LUZP2: variants seen among roughly 807,000 people sequenced by gnomAD.
LUZP2 encodes leucine zipper protein 2.
Under a neutral mutation model 51.6 loss-of-function variants are expected in LUZP2, and 52 were observed. That is an observed-to-expected ratio of 1.01 (90% CI 0.81 to 1.27). The LOEUF (loss-of-function observed/expected upper bound fraction) is 1.27. Ranked by LOEUF, LUZP2 falls within the 50% of genes most tolerant of loss-of-function variation. LUZP2 has a pLI of 0.00. For missense variants in LUZP2, 436 were observed against 395.4 expected, an observed-to-expected ratio of 1.10 and a Z score of -0.87; for synonymous variants, 154 against 137.3, an observed-to-expected ratio of 1.12 and a Z score of -0.85.
At chr11:24,539,066 G>C (rs1346774330) in intron 1 of LUZP2, among the ~76,000 whole-genome samples, 3 of 151,648 alleles carry the variant, frequency 2.0e-5, no homozygotes, top group Non-Finnish European at 4.4e-5. Flanking sequence ...GTATAATATT[G>C]GTTTTGTGAG....
chr11:24,585,909 A>G (rs1346865293), intron 1 of LUZP2, among the ~76,000 whole-genome samples: 1 of 152,206 alleles, frequency 6.6e-6, no homozygotes, highest in Non-Finnish European at 1.5e-5. Flanking sequence ...TAGCCAATTT[A>G]TAATTAGTCT....
chr11:24,811,731 G>A (rs1270941060), intron 5 of LUZP2, among the ~76,000 whole-genome samples: 1 of 151,838 alleles, frequency 6.6e-6, no homozygotes, highest in Non-Finnish European at 1.5e-5. Flanking sequence ...GCCTTCCAAG[G>A]CATTTCACTC....
chr11:25,047,937 G>C (rs1367035023), intron 9 of LUZP2, among the ~76,000 whole-genome samples: 1 of 151,488 alleles, frequency 6.6e-6, no homozygotes, highest in African/African-American at 2.4e-5. Context: ...TCCAGCCTCA[G>C]CCTCCTCATT....
chr11:24,760,343 G>A (rs189299045), intron 4 of LUZP2, among the ~76,000 whole-genome samples: 10 of 152,176 alleles, frequency 6.6e-5, no homozygotes, highest in East Asian at 1.9e-4. Flanking sequence ...TTGGAATGTC[G>A]TTGGCTGAGT....
intron 9 of LUZP2, among the ~76,000 whole-genome samples, chr11:25,031,934 T>C (rs2133992564): frequency 6.6e-6 from 1 of 152,260 alleles, no homozygotes; most frequent in East Asian, 1.9e-4. Flanking sequence ...ACCAATCAGC[T>C]GATTTTAAAG....
intron 9 of LUZP2, among the ~76,000 whole-genome samples, chr11:24,993,954 G>A (rs1363918273): frequency 6.6e-6 from 1 of 152,034 alleles, no homozygotes; most frequent in Non-Finnish European, 1.5e-5. Context: ...TCCGCCTCCG[G>A]GGTTCAAGTG....
chr11:24,584,597 C>T (rs773999533), intron 1 of LUZP2, among the ~76,000 whole-genome samples: 2 of 152,032 alleles, frequency 1.3e-5, no homozygotes, highest in Non-Finnish European at 2.9e-5. Context: ...TTTAGATCTC[C>T]TAAGATAAGT....
At chr11:25,056,590 A>T (rs1858689631) in intron 10 of LUZP2, among the ~76,000 whole-genome samples, 2 of 152,138 alleles carry the variant, frequency 1.3e-5, no homozygotes, top group Admixed American at 1.3e-4. Context: ...CGCTCTGGGA[A>T]GGGACTTTGT....
intron 1 of LUZP2, among the ~76,000 whole-genome samples, chr11:24,507,265 G>A (rs1221783984): frequency 1.3e-5 from 2 of 152,048 alleles, no homozygotes; most frequent in Non-Finnish European, 2.9e-5. Context: ...TACAGCTCTA[G>A]TATTGCAGAA....
intron 1 of LUZP2, among the ~76,000 whole-genome samples, chr11:24,661,629 T>A (rs1856024721): frequency 6.6e-6 from 1 of 152,206 alleles, no homozygotes. Flanking sequence ...TCAGTTTTTC[T>A]TTGTATTGAA....
intron 6 of LUZP2, among the ~76,000 whole-genome samples, chr11:24,908,758 CTTTT>C (rs34476662): frequency 7.3e-6 from 1 of 137,590 alleles, no homozygotes; most frequent in African/African-American, 2.6e-5. Flanking sequence ...TGTTTTTTTT[CTTTT>C]TTTTTTTTTT....
chr11:24,739,395 C>T (rs75646519), intron 4 of LUZP2, among the ~76,000 whole-genome samples: 2,237 of 151,980 alleles, frequency 0.015, 55 homozygotes, highest in African/African-American at 0.051. Context: ...TGTTGTTTTT[C>T]GATTGGTTGT....
intron 7 of LUZP2, among the ~76,000 whole-genome samples, chr11:24,931,209 C>CAAAATAAAAT (rs199869184): frequency 2.6e-3 from 357 of 135,116 alleles, no homozygotes; most frequent in Middle Eastern, 0.011. Flanking sequence ...GACTCTGTCT[C>CAAAATAAAAT]AAAATAAAAT....
At chr11:24,765,598 C>T (rs1860155342) in intron 5 of LUZP2, among the ~76,000 whole-genome samples, 1 of 150,542 alleles carries the variant, frequency 6.6e-6, no homozygotes, top group East Asian at 2.0e-4. Flanking sequence ...TAGACAGCAA[C>T]ACAATAATTT....
rs76658622 is a variant in LUZP2, at chr11:24,614,444, A to G, written c.63-114725A>G. ...TATTCAATTTATATCATTTCATTTA[A>G]CCCCCTAAAAAAGAATTTGAAAAGC... is the stretch of plus-strand genomic sequence containing the variant. On this transcript the variant is annotated intron_variant, in intron 1 of 11. Coordinates refer to ENST00000336930, the MANE Select transcript of LUZP2 (RefSeq NM_001009909.4). Among the ~76,000 whole-genome samples the G allele has an allele frequency of 3.7e-3, 564 of 152,016 alleles. 8 individuals are homozygous for G. Among genetic ancestry groups the G allele is most frequent in the East Asian group, 0.018 (94 of 5,144 alleles).
intron 1 of LUZP2, among the ~76,000 whole-genome samples, chr11:24,727,527 A>G (rs1448805130): frequency 1.3e-5 from 2 of 152,106 alleles, no homozygotes; most frequent in Non-Finnish European, 2.9e-5. Context: ...GTCAATACAT[A>G]TAATCTACTA....
At chr11:24,569,307 G>A (rs2133795564) in intron 1 of LUZP2, among the ~76,000 whole-genome samples, 1 of 151,940 alleles carries the variant, frequency 6.6e-6, no homozygotes, top group Middle Eastern at 3.4e-3. Flanking sequence ...TTTCAAGCAG[G>A]AACTCAAAAT....
chr11:24,569,254 C>A (rs953423580), intron 1 of LUZP2, among the ~76,000 whole-genome samples: 3 of 151,684 alleles, frequency 2.0e-5, no homozygotes, highest in Admixed American at 1.3e-4. Context: ...CGCTGTTATA[C>A]AAAACAAAAT....
intron 4 of LUZP2, among the ~76,000 whole-genome samples, chr11:24,740,313 G>A (rs1482744514): frequency 1.3e-5 from 2 of 152,126 alleles, no homozygotes; most frequent in African/African-American, 2.4e-5. Context: ...ACTTTTGAAA[G>A]AGCACAAACC....
Sources: allele counts gnomAD v4.1 joint callset (sites outside exome capture counted in the v4.1 genomes callset), GRCh38; gene constraint gnomAD v4.1.1; transcripts MANE v1.5; gene names NCBI Gene and HGNC (gene_info 2026-07-23, HGNC 2026-07-21).